Variants in DOCK3 observed in about 807,000 individuals in gnomAD.
The protein encoded by DOCK3 is dedicator of cytokinesis 3.
DOCK3 carries 60 observed loss-of-function variants against 265.6 expected under a neutral mutation model. That is an observed-to-expected ratio of 0.23 (90% CI 0.18 to 0.28). The LOEUF (loss-of-function observed/expected upper bound fraction) is 0.28. DOCK3 is among the 10% of genes least tolerant of loss of function. DOCK3 has a pLI of 1.00. For missense variants in DOCK3, 1,981 were observed against 2,594.3 expected (o/e 0.76, Z 5.14); for synonymous variants, 881 against 938.0 (o/e 0.94, Z 1.11).
chr3:51,344,803 GCC>G (rs1441631326), intron 38 of DOCK3, among the ~76,000 whole-genome samples: 1 of 152,152 alleles, frequency 6.6e-6, no homozygotes, highest in Non-Finnish European at 1.5e-5. Flanking sequence ...AGCTCTCAAA[GCC>G]CCCAAGCCCA....
At chr3:51,331,594 T>A (rs1309381374) in intron 33 of DOCK3, among the ~76,000 whole-genome samples, 1 of 152,072 alleles carries the variant, frequency 6.6e-6, no homozygotes, top group African/African-American at 2.4e-5. Context: ...TGAATTAGTT[T>A]AGAAAAGATT....
chr3:50,688,293 G>C (rs952289493), intron 1 of DOCK3, among the ~76,000 whole-genome samples: 11 of 152,110 alleles, frequency 7.2e-5, no homozygotes, highest in Admixed American at 2.0e-4. Flanking sequence ...AACTCCAAAG[G>C]CTTGTCTTTT....
intron 3 of DOCK3, among the ~76,000 whole-genome samples, chr3:50,889,043 G>T (rs1173461826): frequency 6.7e-6 from 1 of 150,184 alleles, no homozygotes; most frequent in African/African-American, 2.5e-5. Flanking sequence ...GGGCCAAAGA[G>T]TATAAAATAT....
intron 5 of DOCK3, among the ~76,000 whole-genome samples, chr3:51,027,609 A>G (rs1370428787): frequency 1.3e-5 from 2 of 152,050 alleles, no homozygotes; most frequent in Admixed American, 1.3e-4. Context: ...TGTTTTATAA[A>G]TCTGGGTGCT....
intron 15 of DOCK3, among the ~76,000 whole-genome samples, chr3:51,226,884 G>A (rs1354812644): frequency 6.6e-6 from 1 of 152,192 alleles, no homozygotes; most frequent in Non-Finnish European, 1.5e-5. Flanking sequence ...AAAACAGGCT[G>A]TCTCCACTTT....
intron 5 of DOCK3, among the ~76,000 whole-genome samples, chr3:50,964,299 GAAT>G (rs1489948990): frequency 6.6e-6 from 1 of 152,042 alleles, no homozygotes; most frequent in African/African-American, 2.4e-5. Flanking sequence ...TGATTAAAAA[GAAT>G]AATAATCAAT....
intron 10 of DOCK3, among the ~76,000 whole-genome samples, chr3:51,149,921 G>T (rs2085496265): frequency 6.6e-6 from 1 of 152,190 alleles, no homozygotes; most frequent in Non-Finnish European, 1.5e-5. Flanking sequence ...AATGGTACCA[G>T]CTCCTCTTTG....
intron 27 of DOCK3, among the ~76,000 whole-genome samples, chr3:51,303,542 A>C (rs2082473356): frequency 6.6e-6 from 1 of 151,722 alleles, no homozygotes; most frequent in South Asian, 2.1e-4. Flanking sequence ...TCTCATCTTC[A>C]TGAGTTTGTC....
At chr3:50,752,563 G>A (rs1285309120) in intron 1 of DOCK3, among the ~76,000 whole-genome samples, 1 of 148,818 alleles carries the variant, frequency 6.7e-6, no homozygotes, top group Non-Finnish European at 1.5e-5. Context: ...GACCATTTAA[G>A]GTCAGGATTT....
At chr3:50,906,383 C>T (rs148832307) in intron 4 of DOCK3, among the ~76,000 whole-genome samples, 3 of 151,176 alleles carry the variant, frequency 2.0e-5, no homozygotes, top group Admixed American at 1.3e-4. Context: ...GCTGTGAATC[C>T]GTCTGGTCCT....
intron 9 of DOCK3, among the ~76,000 whole-genome samples, chr3:51,100,640 AT>A (rs1324644480): frequency 6.6e-6 from 1 of 152,254 alleles, no homozygotes; most frequent in African/African-American, 2.4e-5. Context: ...AATCAAGTTA[AT>A]TCACCATTAA....
chr3:51,310,584 C>T (rs1009378493), intron 28 of DOCK3, among the ~76,000 whole-genome samples: 6 of 152,146 alleles, frequency 3.9e-5, no homozygotes, highest in African/African-American at 7.2e-5. Flanking sequence ...GCTCAGTGGC[C>T]CACTGGCCTC....
chr3:51,140,078 G>C (rs544189108), intron 9 of DOCK3, among the ~76,000 whole-genome samples: 1 of 152,260 alleles, frequency 6.6e-6, no homozygotes, highest in African/African-American at 2.4e-5. Context: ...TTTGTTGTTT[G>C]TTGGTTTTCT....
intron 8 of DOCK3, among the ~76,000 whole-genome samples, chr3:51,089,651 G>A (rs2082562485): frequency 6.6e-6 from 1 of 152,144 alleles, no homozygotes. Flanking sequence ...GCTCATGCCT[G>A]TAATCCCAGC....
At position 50,926,056 on chromosome 3, in the gene DOCK3, C is replaced by T. The variant is rs552393940; in HGVS notation, c.219-7925C>T. 4.6e-5 allele frequency among the ~76,000 whole-genome samples: 7 copies of T among 152,128 alleles called. No homozygotes were observed. In the South Asian group the frequency reaches 1.5e-3, roughly 32 times the overall value. ...CCATGTCGGCCAGGCTGGTATCAAA[C>T]TCCTGACCTCAAGTGCTCCACCCAC... On this transcript the variant is annotated intron_variant, in intron 4 of 52. Coordinates refer to ENST00000266037, the MANE Select transcript of DOCK3 (RefSeq NM_004947.5).
chr3:50,820,956 A>C (rs953433203), intron 2 of DOCK3, among the ~76,000 whole-genome samples: 3 of 151,048 alleles, frequency 2.0e-5, no homozygotes, highest in African/African-American at 7.3e-5. Context: ...TCTTTTGAGA[A>C]GTGTCTGTTC....
At chr3:51,043,253 A>G (rs1489813893) in intron 5 of DOCK3, among the ~76,000 whole-genome samples, 1 of 152,200 alleles carries the variant, frequency 6.6e-6, no homozygotes, top group African/African-American at 2.4e-5. Flanking sequence ...GACCAATGGA[A>G]CAGAACAGAG....
intron 33 of DOCK3, among the ~76,000 whole-genome samples, chr3:51,331,748 A>G (rs1235875466): frequency 6.6e-6 from 1 of 152,200 alleles, no homozygotes; most frequent in Non-Finnish European, 1.5e-5. Context: ...GCTTGAACCC[A>G]GGAGTTCGAG....
intron 4 of DOCK3, among the ~76,000 whole-genome samples, chr3:50,908,550 T>C (rs547007104): frequency 1.3e-5 from 2 of 152,082 alleles, no homozygotes; most frequent in Admixed American, 1.3e-4. Context: ...TGTCTTAACA[T>C]TGAGTTCTAA....
Sources: gnomAD v4.1 joint callset for allele counts (sites outside exome capture counted in the v4.1 genomes callset) on GRCh38, gnomAD v4.1.1 for gene constraint, MANE v1.5 for transcripts, NCBI Gene and HGNC (gene_info 2026-07-23, HGNC 2026-07-21) for gene names.